USP34: variants seen among roughly 807,000 people sequenced by gnomAD.
The protein encoded by USP34 is ubiquitin carboxyl-terminal hydrolase 34.
USP34 carries 70 observed loss-of-function variants against 460.3 expected under a neutral mutation model. The observed-to-expected ratio is 0.15, with a 90% confidence interval of 0.13 to 0.19. The LOEUF (loss-of-function observed/expected upper bound fraction) is 0.19, where lower values mean the gene tolerates loss of function less well. Ranked by LOEUF, USP34 falls within the 10% of genes least tolerant of loss-of-function variation. The pLI is 1.00. For missense variants in USP34, 3,985 were observed against 4,236.2 expected (o/e 0.94, Z 1.65); for synonymous variants, 1,647 against 1,405.3 (o/e 1.17, Z -3.85).
chr2:61,190,891 C>G, intron 76 of USP34: 1 of 405,164 alleles, frequency 2.5e-6, no homozygotes, highest in South Asian at 4.1e-5. Context: ...GGGGAAGACA[C>G]TGATGCCGAA....
intron 41 of USP34, among the ~76,000 whole-genome samples, chr2:61,274,573 AAAGAT>A (rs1482262659): frequency 6.6e-6 from 1 of 152,212 alleles, no homozygotes; most frequent in Admixed American, 6.5e-5. Context: ...CAGTCAGAGA[AAAGAT>A]AACACAAATG....
At chr2:61,196,490 G>A (rs1283145372) in intron 75 of USP34, among the ~76,000 whole-genome samples, 2 of 151,994 alleles carry the variant, frequency 1.3e-5, no homozygotes, top group African/African-American at 4.8e-5. Context: ...CTCCCAAAGT[G>A]CTAGGATTAT....
intron 60 of USP34, 40 bp from the exon 61 acceptor site, chr2:61,228,759 A>C (rs371929643): frequency 5.6e-6 from 9 of 1,596,954 alleles, no homozygotes; most frequent in Non-Finnish European, 7.7e-6. Context: ...ATATAAAATA[A>C]AAGCAATTAA....
At chr2:61,318,190 C>A (rs75404757) in intron 22 of USP34, among the ~76,000 whole-genome samples, 1,110 of 107,370 alleles carry the variant, frequency 0.01, no homozygotes, top group African/African-American at 0.014. Context: ...AAGCCCATCT[C>A]AAAAAAAAAA....
intron 33 of USP34, 63 bp from the exon 34 acceptor site, chr2:61,288,940 T>A: frequency 6.5e-7 from 1 of 1,537,492 alleles, no homozygotes; most frequent in Non-Finnish European, 8.9e-7. Flanking sequence ...CACAATACAA[T>A]TTTGAAATTA....
At chr2:61,265,677 A>G in intron 42 of USP34, 120 bp from the exon 43 acceptor site, 1 of 835,364 alleles carries the variant, frequency 1.2e-6, no homozygotes, top group African/African-American at 1.8e-5. Flanking sequence ...ATAGAACATT[A>G]TATAGAATTT....
At chr2:61,424,751 AT>A (rs907290592) in intron 1 of USP34, among the ~76,000 whole-genome samples, 89 of 151,364 alleles carry the variant, frequency 5.9e-4, no homozygotes, top group Non-Finnish European at 8.3e-4. Context: ...TATGTTCTAT[AT>A]TTTTTTTTAC....
chr2:61,287,587 G>C (rs1004593221), intron 34 of USP34, among the ~76,000 whole-genome samples: 2 of 152,178 alleles, frequency 1.3e-5, no homozygotes, highest in Admixed American at 1.3e-4. Flanking sequence ...TCAATGTGAA[G>C]ACCATGAGGA....
At chr2:61,330,180 G>A (rs1394190341) in intron 20 of USP34, among the ~76,000 whole-genome samples, 1 of 152,104 alleles carries the variant, frequency 6.6e-6, no homozygotes, top group African/African-American at 2.4e-5. Flanking sequence ...GTGTGACGTT[G>A]GACAAGTTGT....
At position 61,343,886 on chromosome 2, in the gene USP34, G is replaced by A. The variant is rs373411362; in HGVS notation, c.2429C>T (p.Ala810Val). Reference protein sequence around the residue: ...EEELVQINSHAELTSHLQQHL... With the variant: ...EEELVQINSHVELTSHLQQHL... The stretch of plus-strand genomic sequence containing the variant: ...TTGTTGGAGGTGAGATGTCAGTTCC[G>A]CATGTGAATTAATCTGAACTAGCTC... The change falls in exon 16 of 80, where the codon GCG becomes GTG. Residue 810 changes from alanine (A) to valine (V), a missense_variant. Physicochemically the swap from Ala to Val is moderately conservative, Grantham distance 64. Around this residue, in one of 14 missense-constraint regions of USP34, gnomAD observed 716 missense variants for 626.2 expected, o/e 1.14. Transcript: ENST00000398571. 3.8e-5 allele frequency: 62 copies of A among 1,613,904 alleles called. No individual in the cohort carries two copies. Among genetic ancestry groups the A allele is most frequent in the South Asian group, 2.9e-4 (26 of 91,082 alleles).
Position 61,395,231 on chromosome 2 carries a change from A to T in USP34, c.555T>A (p.Asp185Glu). The change falls in exon 4 of 80, where the codon GAT (aspartate) becomes GAA (glutamate). Residue 185 changes from aspartate (D) to glutamate (E), a missense_variant and splice_region_variant. Transcript: ENST00000398571. ...ATATGTTACTTTCTTGAGTTGATAT[A>T]TCCTAATTAAAAAAAAAAAAGCAAG... ...YKHNTHPTIE[D>E]ISTQESNILG... The T allele has an allele frequency of 6.9e-7, 1 of 1,457,436 alleles. No homozygotes were observed. Among genetic ancestry groups the T allele is most frequent in the Non-Finnish European group, 9.5e-7 (1 of 1,057,750 alleles). The allele number at this position is 1,457,436 out of a possible 1,614,324, so 90.3% of individuals were successfully genotyped here.
At position 61,190,533 on chromosome 2, in the gene USP34, T is replaced by G; in HGVS notation, c.9714A>C (p.Thr3238=). The G allele has an allele frequency of 6.2e-7, 1 of 1,613,782 alleles. No homozygotes were observed. Among genetic ancestry groups the G allele is most frequent in the South Asian group, 1.1e-5 (1 of 90,962 alleles). ...TACTACGTACCTTTAGAAGGAAATG[T>G]GTCATGAACGTGTAGACAATGTTGT... is the stretch of plus-strand genomic sequence containing the variant. The part of the protein sequence containing the change: ...LNNNIVYTFM[T]HFLLKVQSQV... Residue 3238 remains threonine (T), a synonymous_variant, in exon 77 of 80, where the codon ACA becomes ACC. Transcript: ENST00000398571.
At chr2:61,444,979 T>C (rs1695067774) in intron 1 of USP34, among the ~76,000 whole-genome samples, 1 of 148,398 alleles carries the variant, frequency 6.7e-6, no homozygotes, top group Non-Finnish European at 1.5e-5. Flanking sequence ...GAAGTAACAG[T>C]AAAACCGATA....
chr2:61,298,537 C>CAAAAAAAAAAAAAAAAAAAAAAAAAA, intron 29 of USP34, among the ~76,000 whole-genome samples: 1 of 28,288 alleles, frequency 3.5e-5, no homozygotes. Context: ...GACTCTGTCT[C>CAAAAAAAAAAAAAAAAAAAAAAAAAA]AAAAAAAAAA....
chr2:61,347,874 C>CGTGGTG lies in USP34; in HGVS notation c.2275_2280dup (p.His759_His760dup). 6.2e-7 allele frequency: 1 copy of CGTGGTG among 1,611,498 alleles called. No individual in the cohort carries two copies. Among genetic ancestry groups the CGTGGTG allele is most frequent in the Non-Finnish European group, 8.5e-7 (1 of 1,178,436 alleles). ...TTTATTTTGAAGTAGGCTTACCCATCGTGGTGGTGGTGATGGTGGTGGTGG... is the reference window on the plus strand; with the variant it reads ...TTTATTTTGAAGTAGGCTTACCCATCGTGGTGGTGGTGGTGGTGATGGTGGTGGTGG... On this transcript the variant is annotated inframe_insertion, in exon 15 of 80. Transcript: ENST00000398571.
chr2:61,370,690 A>G, intron 8 of USP34, 111 bp from the exon 9 acceptor site: 1 of 816,590 alleles, frequency 1.2e-6, no homozygotes, highest in Non-Finnish European at 1.9e-6. Flanking sequence ...AATTATAAAG[A>G]ATTAGATACA....
intron 75 of USP34, among the ~76,000 whole-genome samples, chr2:61,201,522 A>G (rs1282296884): frequency 6.6e-6 from 1 of 152,176 alleles, no homozygotes; most frequent in African/African-American, 2.4e-5. Flanking sequence ...CCTTATAGAA[A>G]GTTCTATAAA....
At chr2:61,375,780 A>C (rs1433741743) in intron 8 of USP34, among the ~76,000 whole-genome samples, 1 of 149,714 alleles carries the variant, frequency 6.7e-6, no homozygotes, top group East Asian at 1.9e-4. Flanking sequence ...AAAAAAAAAA[A>C]AAAAAAAAAA....
chr2:61,416,670 A>C (rs1694203565), intron 2 of USP34, among the ~76,000 whole-genome samples: 1 of 152,016 alleles, frequency 6.6e-6, no homozygotes, highest in Non-Finnish European at 1.5e-5. Flanking sequence ...CCCTTTCCCT[A>C]ATTTAGTCTT....
Sources: gnomAD v4.1 joint callset for allele counts (sites outside exome capture counted in the v4.1 genomes callset) on GRCh38, gnomAD v4.1.1 for gene constraint, gnomAD v4.1.1 regional missense constraint, MANE v1.5 for transcripts, NCBI Gene and HGNC (gene_info 2026-07-23, HGNC 2026-07-21) for gene names.